CDH11: variants seen among roughly 807,000 people sequenced by gnomAD.
CDH11 encodes cadherin 11.
Under a neutral mutation model 67.8 loss-of-function variants are expected in CDH11, and 11 were observed. That is an observed-to-expected ratio of 0.16 (90% CI 0.10 to 0.27). The LOEUF is 0.27. CDH11 is among the 10% of genes least tolerant of loss of function. The pLI, the probability that CDH11 is intolerant of heterozygous loss-of-function variation, is 1.00. For synonymous variants in CDH11, 419 were observed against 400.0 expected, an observed-to-expected ratio of 1.05 and a Z score of -0.57; for missense variants, 847 against 1,031.2, an observed-to-expected ratio of 0.82 and a Z score of 2.45.
At chr16:65,074,765 G>A (rs2074480428) in intron 1 of CDH11, among the ~76,000 whole-genome samples, 2 of 152,102 alleles carry the variant, frequency 1.3e-5, no homozygotes, top group African/African-American at 4.8e-5. Context: ...GAAAAAGAAA[G>A]AGTTTGAGTA....
chr16:65,048,741 T>C (rs968054056), intron 2 of CDH11, among the ~76,000 whole-genome samples: 6 of 152,090 alleles, frequency 3.9e-5, no homozygotes, highest in Non-Finnish European at 8.8e-5. Flanking sequence ...TGTGTATCTA[T>C]ACACACATAC....
At chr16:65,040,293 T>C (rs1044392932) in intron 2 of CDH11, among the ~76,000 whole-genome samples, 6 of 152,144 alleles carry the variant, frequency 3.9e-5, no homozygotes, top group African/African-American at 1.2e-4. Context: ...TAGCAAAGAC[T>C]TGGAACCAAC....
At chr16:65,040,130 T>C (rs1035236156) in intron 2 of CDH11, among the ~76,000 whole-genome samples, 1 of 152,202 alleles carries the variant, frequency 6.6e-6, no homozygotes, top group African/African-American at 2.4e-5. Context: ...GTTCAACCAT[T>C]GTTGAAGTCA....
chr16:64,971,379 A>T (rs1011945093), intron 11 of CDH11, among the ~76,000 whole-genome samples, 200 bp downstream of exon 11: 3 of 152,238 alleles, frequency 2.0e-5, no homozygotes, highest in Non-Finnish European at 4.4e-5. Flanking sequence ...AAGCCAAAAA[A>T]TGTAAATAAA....
At chr16:65,061,247 T>C (rs2074233258) in intron 1 of CDH11, among the ~76,000 whole-genome samples, 1 of 152,236 alleles carries the variant, frequency 6.6e-6, no homozygotes, top group Admixed American at 6.5e-5. Context: ...GTCAGTACAC[T>C]GCTAACACTC....
At chr16:64,949,737 C>A (rs1597002570) in intron 12 of CDH11, among the ~76,000 whole-genome samples, 1 of 152,040 alleles carries the variant, frequency 6.6e-6, no homozygotes, top group African/African-American at 2.4e-5. Flanking sequence ...ATGTCAGGTG[C>A]TTTCTACTCT....
chr16:64,975,243 T>C (rs1043359442), intron 8 of CDH11, among the ~76,000 whole-genome samples: 1 of 152,238 alleles, frequency 6.6e-6, no homozygotes, highest in Non-Finnish European at 1.5e-5. Context: ...TTGATGCTGC[T>C]GTTACACACT....
At chr16:65,083,389 G>C (rs1031513687) in intron 1 of CDH11, among the ~76,000 whole-genome samples, 3 of 152,224 alleles carry the variant, frequency 2.0e-5, no homozygotes, top group African/African-American at 7.2e-5. Context: ...ATTGAGCCAG[G>C]ACAGCATAGG....
At chr16:64,948,241 G>T in intron 12 of CDH11, 142 bp from the exon 13 acceptor site, 1 of 1,122,910 alleles carries the variant, frequency 8.9e-7, no homozygotes, top group Non-Finnish European at 1.2e-6. Flanking sequence ...AGCTTTGCCT[G>T]GAATCCCTAA....
intron 2 of CDH11, among the ~76,000 whole-genome samples, chr16:65,042,993 C>T (rs753473300): frequency 5.3e-5 from 8 of 152,148 alleles, no homozygotes; most frequent in Non-Finnish European, 1.0e-4. Context: ...CAGCAGGGCT[C>T]TGGTGATGGG....
chr16:65,108,058 G>C (rs2075094545), intron 1 of CDH11, among the ~76,000 whole-genome samples: 1 of 152,258 alleles, frequency 6.6e-6, no homozygotes, highest in Admixed American at 6.5e-5. Context: ...TGAGACAGAA[G>C]TTAGGCACCC....
chr16:65,002,106 G>A (rs1406085944), intron 3 of CDH11, among the ~76,000 whole-genome samples: 1 of 152,178 alleles, frequency 6.6e-6, no homozygotes, highest in African/African-American at 2.4e-5. Flanking sequence ...TCAAAAGAAA[G>A]ATTCACAGGA....
At chr16:65,100,582 C>CA (rs927372125) in intron 1 of CDH11, among the ~76,000 whole-genome samples, 1 of 151,554 alleles carries the variant, frequency 6.6e-6, no homozygotes, top group African/African-American at 2.4e-5. Context: ...ACTAAAAATC[C>CA]AAAAAATTAG....
Position 64,991,851 on chromosome 16 carries a change from C to T in CDH11, c.728G>A (p.Gly243Glu). Residue 243 changes from glycine to glutamate, a missense_variant, in exon 6 of 13, where the codon GGA becomes GAA. Coordinates refer to ENST00000268603, the MANE Select transcript of CDH11 (RefSeq NM_001797.4). Reference protein sequence around the residue: ...HVVIQAKDMGGHMGGLSGTTK... With the variant: ...HVVIQAKDMGEHMGGLSGTTK... ...TGTCCCTGAGAGTCCGCCCATATGTCCACCCATGTCCTTGGCCTGGATCAC... is the reference window on the plus strand; with the variant it reads ...TGTCCCTGAGAGTCCGCCCATATGTTCACCCATGTCCTTGGCCTGGATCAC... The T allele has an allele frequency of 6.2e-7, 1 of 1,613,826 alleles. No individual in the cohort carries two copies.
At chr16:65,035,600 T>C (rs1163710655) in intron 2 of CDH11, among the ~76,000 whole-genome samples, 1 of 152,138 alleles carries the variant, frequency 6.6e-6, no homozygotes, top group Non-Finnish European at 1.5e-5. Context: ...ATGCCAGGAG[T>C]GTGCGTTCTT....
chr16:65,013,057 T>G (rs562983920), intron 2 of CDH11, among the ~76,000 whole-genome samples: 2 of 152,306 alleles, frequency 1.3e-5, no homozygotes, highest in South Asian at 4.1e-4. Context: ...AGCCTATAAA[T>G]GGTCTCCCAT....
intron 1 of CDH11, among the ~76,000 whole-genome samples, chr16:65,083,798 G>A (rs2074650798): frequency 6.6e-6 from 1 of 152,190 alleles, no homozygotes; most frequent in Admixed American, 6.6e-5. Context: ...CACCTAGGAA[G>A]TAGTCTTAGC....
intron 2 of CDH11, among the ~76,000 whole-genome samples, chr16:65,017,363 A>G (rs1056647095): frequency 6.6e-6 from 1 of 152,174 alleles, no homozygotes; most frequent in African/African-American, 2.4e-5. Context: ...TCCATCTTTC[A>G]TAACTTCTTC....
chr16:65,012,392 T>C (rs754828821), intron 2 of CDH11, among the ~76,000 whole-genome samples: 1 of 152,166 alleles, frequency 6.6e-6, no homozygotes, highest in Non-Finnish European at 1.5e-5. Flanking sequence ...CAGATTTCTT[T>C]GGGAACTTCA....
Sources: gnomAD v4.1 joint callset for allele counts (sites outside exome capture counted in the v4.1 genomes callset) on GRCh38, gnomAD v4.1.1 for gene constraint, MANE v1.5 for transcripts, NCBI Gene and HGNC (gene_info 2026-07-23, HGNC 2026-07-21) for gene names.